Variants in SEMA6B observed in about 807,000 individuals in gnomAD.
The protein encoded by SEMA6B is semaphorin-6B.
SEMA6B carries 47 observed loss-of-function variants against 78.6 expected under a neutral mutation model. That is an observed-to-expected ratio of 0.60 (90% CI 0.47 to 0.76). The LOEUF (loss-of-function observed/expected upper bound fraction) is 0.76. Among genes scored for constraint, SEMA6B ranks in the 30% least tolerant of loss-of-function variants. SEMA6B has a pLI of 0.00. For missense variants in SEMA6B, 1,213 were observed against 1,269.9 expected (o/e 0.96, Z 0.68); for synonymous variants, 632 against 592.2 (o/e 1.07, Z -0.98).
intron 8 of SEMA6B, 79 bp from the exon 9 acceptor site, chr19:4,554,555 ATGG>A (rs1457548627): frequency 4.1e-5 from 46 of 1,116,530 alleles, no homozygotes; most frequent in Non-Finnish European, 5.8e-5. Flanking sequence ...ACTGGCTTTT[ATGG>A]TGAAGGGGGG....
intron 3 of SEMA6B, 118 bp downstream of exon 3, chr19:4,557,908 A>G: frequency 1.1e-6 from 1 of 891,750 alleles, no homozygotes; most frequent in Non-Finnish European, 1.5e-6. Flanking sequence ...AAGTCCTCCC[A>G]ATGGCCCAAC....
At position 4,550,041 on chromosome 19, in the gene SEMA6B, T is replaced by C; in HGVS notation, c.1271+82A>G. 7.2e-7 allele frequency: 1 copy of C among 1,398,594 alleles called. No individual in the cohort carries two copies. The allele number at this position is 1,398,594 out of a possible 1,614,324, so 86.6% of individuals were successfully genotyped here. On this transcript the variant is annotated intron_variant, in intron 12 of 16. Coordinates refer to ENST00000586582, the MANE Select transcript of SEMA6B (RefSeq NM_032108.4). The surrounding 1 kb of genome is among the most constrained non-coding windows in gnomAD (Gnocchi z 6.6). Reference sequence around the variant, plus strand: ...CAGCGCCGGAAGCCATGGGCTCATCTGTGTTGAGCATCTGGATCCTCTCAC... The same window carrying C: ...CAGCGCCGGAAGCCATGGGCTCATCCGTGTTGAGCATCTGGATCCTCTCAC...
chr19:4,544,046 AG>A lies in SEMA6B; in HGVS notation c.2221del (p.Leu741CysfsTer89). The A allele has an allele frequency of 8.2e-7, 1 of 1,218,612 alleles. No individual in the cohort carries two copies. The allele number at this position is 1,218,612 out of a possible 1,614,324, so 75.5% of individuals were successfully genotyped here. A position where few individuals can be genotyped will look rare whatever the true frequency, so the allele number is the denominator to read the frequency against. ...GPRAWDHGHP[L>X]LPASASSSLL... ...GGAGGATGAAGCGGAGGCCGGGAGC[AG>A]GGGGTGGCCGTGGTCCCAGGCGCGG... On this transcript the variant is annotated frameshift_variant, in exon 17 of 17. Coordinates refer to ENST00000586582, the MANE Select transcript of SEMA6B (RefSeq NM_032108.4). LOFTEE classifies it high-confidence loss of function. This position sits in a 1 kb window ranked among gnomAD's most constrained non-coding sequence, Gnocchi z 5.1.
intron 5 of SEMA6B, among the ~76,000 whole-genome samples, 192 bp downstream of exon 5, chr19:4,556,759 G>A (rs1218852643): frequency 1.3e-5 from 2 of 150,154 alleles, no homozygotes; most frequent in Non-Finnish European, 3.0e-5. Context: ...ATTGGGTGGG[G>A]ACGTGGACGT....
Position 4,543,853 on chromosome 19 carries a change from C to A in SEMA6B, c.2415G>T (p.Thr805=), listed in dbSNP as rs1335432532. 2.5e-6 allele frequency: 3 copies of A among 1,209,986 alleles called. No individual in the cohort carries two copies. The highest frequency in any genetic ancestry group is 3.1e-6 in the Non-Finnish European group (3 of 974,346). 75.0% of individuals were successfully genotyped at this position (1,209,986 alleles called of 1,614,324 possible). A position where few individuals can be genotyped will look rare whatever the true frequency, so the allele number is the denominator to read the frequency against. Residue 805 remains threonine, a synonymous_variant, in exon 17 of 17, where the codon ACG becomes ACT. Transcript: ENST00000586582. ...PDRRRVVSAP[T]GPLDPASAAD... ...CGGCTGAGGCTGGGTCCAAGGGGCC[C>A]GTGGGCGCGGACACCACCCGCCGGC...
chr19:4,557,380 G>A (rs1977502166), intron 3 of SEMA6B, among the ~76,000 whole-genome samples, 157 bp from the exon 4 acceptor site: 1 of 152,148 alleles, frequency 6.6e-6, no homozygotes, highest in African/African-American at 2.4e-5. Flanking sequence ...CCCCCCAAGG[G>A]CCCCAGCAGG....
intron 8 of SEMA6B, among the ~76,000 whole-genome samples, 176 bp from the exon 9 acceptor site, chr19:4,554,652 G>A (rs972297395): frequency 3.3e-5 from 5 of 152,148 alleles, no homozygotes; most frequent in Non-Finnish European, 4.4e-5. Context: ...GCCTAAAATC[G>A]CTGTGTCTCT....
Position 4,558,108 on chromosome 19 carries a change from G to T in SEMA6B, c.163C>A (p.Arg55Ser). Residue 55 changes from arginine (R) to serine (S), a missense_variant, in exon 3 of 17, where the codon CGC (arginine) becomes AGC (serine). Physicochemically the swap from Arg to Ser is moderately radical, Grantham distance 110 (BLOSUM62 -1). Transcript: ENST00000586582. This position sits in a 1 kb window ranked among gnomAD's most constrained non-coding sequence, Gnocchi z 5.1. The part of the protein sequence containing the change: ...YPVFVGSGPG[R>S]LTPAEGADDL... ...TCAGCACCTTCTGCGGGGGTCAGGC[G>T]TCCGGGCCCGCTGCCCACAAACACG... 6.5e-7 allele frequency: 1 copy of T among 1,529,736 alleles called. No homozygotes were observed. Among genetic ancestry groups the T allele is most frequent in the Non-Finnish European group, 8.8e-7 (1 of 1,131,364 alleles). The allele number at this position is 1,529,736 out of a possible 1,614,324, so 94.8% of individuals were successfully genotyped here. A position where few individuals can be genotyped will look rare whatever the true frequency, so the allele number is the denominator to read the frequency against.
intron 14 of SEMA6B, among the ~76,000 whole-genome samples, chr19:4,547,570 C>T (rs1272472970): frequency 2.0e-5 from 3 of 152,150 alleles, no homozygotes; most frequent in Admixed American, 1.3e-4. Flanking sequence ...ATTTTAGAGA[C>T]GGGGAAACAG....
At chr19:4,551,509 G>A (rs553395226) in intron 10 of SEMA6B, among the ~76,000 whole-genome samples, 2 of 150,764 alleles carry the variant, frequency 1.3e-5, no homozygotes, top group East Asian at 2.0e-4. Flanking sequence ...CGAAGCCACC[G>A]TGCCCAGTCC....
At position 4,544,257 on chromosome 19, in the gene SEMA6B, C is replaced by T. The variant is rs528232558; in HGVS notation, c.2011G>A (p.Gly671Ser). The change falls in exon 17 of 17, where the codon GGT becomes AGT. Residue 671 changes from glycine to serine, a missense_variant. Transcript: ENST00000586582. The surrounding 1 kb of genome is among the most constrained non-coding windows in gnomAD (Gnocchi z 5.1). The part of the protein sequence containing the change: ...GPGGRGGGGG[G>S]GAGVPPEALL... ...GCCTCCGGGGGAACCCCGGCGCCACCGCCACCGCCTCCGCCCCGGCCCCCG... is the reference window on the plus strand; with the variant it reads ...GCCTCCGGGGGAACCCCGGCGCCACTGCCACCGCCTCCGCCCCGGCCCCCG... 277 of 1,281,980 alleles carry T rather than the reference C, an allele frequency of 2.2e-4. No homozygotes were observed. In the African/African-American group the frequency reaches 3.9e-3, roughly 18 times the overall value. 79.4% of individuals were successfully genotyped at this position (1,281,980 alleles called of 1,614,324 possible).
At position 4,550,398 on chromosome 19, in the gene SEMA6B, A is replaced by T; in HGVS notation, c.1122-126T>A. ...TTTTTGTTTGTTTTGTTTTTGAGACAGAGTCTCAATCTGTCGCCCAGGCTG... is the reference window on the plus strand; with the variant it reads ...TTTTTGTTTGTTTTGTTTTTGAGACTGAGTCTCAATCTGTCGCCCAGGCTG... On this transcript the variant is annotated intron_variant, in intron 11 of 16. Coordinates refer to ENST00000586582, the MANE Select transcript of SEMA6B (RefSeq NM_032108.4). The surrounding 1 kb of genome is among the most constrained non-coding windows in gnomAD (Gnocchi z 6.6). 1.9e-6 allele frequency: 2 copies of T among 1,048,208 alleles called. No individual in the cohort carries two copies. The highest frequency in any genetic ancestry group is 2.8e-6 in the Non-Finnish European group (2 of 718,828). The allele number at this position is 1,048,208 out of a possible 1,614,324, so 64.9% of individuals were successfully genotyped here.
In SEMA6B at chr19:4,543,351, A is replaced by G. The variant is rs1185460895; in HGVS notation, c.*250T>C. On this transcript the variant is annotated 3_prime_UTR_variant, in exon 17 of 17. Transcript: ENST00000586582. ...ACCAAAACCTACGCGCATAAGGTCAACCTCAAATCCATAGCAAAGTCCTCC... is the reference window on the plus strand; with the variant it reads ...ACCAAAACCTACGCGCATAAGGTCAGCCTCAAATCCATAGCAAAGTCCTCC... 2.3e-6 allele frequency: 1 copy of G among 435,086 alleles called. No homozygotes were observed. Among genetic ancestry groups the G allele is most frequent in the East Asian group, 3.4e-5 (1 of 29,096 alleles). 27.0% of individuals were successfully genotyped at this position (435,086 alleles called of 1,614,324 possible).
In SEMA6B at chr19:4,555,392, A is replaced by G. The variant is rs1239239693; in HGVS notation, c.562+82T>C. Reference sequence around the variant, plus strand: ...CAAGTGGTCGTCCAGCTGCCTTCTAAACAACCCAGACGCTGGAGTAGAAAA... The same window carrying G: ...CAAGTGGTCGTCCAGCTGCCTTCTAGACAACCCAGACGCTGGAGTAGAAAA... On this transcript the variant is annotated intron_variant, in intron 7 of 16. Transcript: ENST00000586582. This position sits in a 1 kb window ranked among gnomAD's most constrained non-coding sequence, Gnocchi z 6.1. The G allele has an allele frequency of 2.3e-6, 3 of 1,290,994 alleles. No individual in the cohort carries two copies. In the African/African-American group the frequency reaches 4.5e-5, roughly 19 times the overall value. 80.0% of individuals were successfully genotyped at this position (1,290,994 alleles called of 1,614,324 possible). A position where few individuals can be genotyped will look rare whatever the true frequency, so the allele number is the denominator to read the frequency against.
chr19:4,556,813 G>A, intron 5 of SEMA6B, 138 bp downstream of exon 5: 1 of 761,976 alleles, frequency 1.3e-6, no homozygotes, highest in South Asian at 1.7e-5. Flanking sequence ...GCAGTTGGGC[G>A]GGGCCAGGGC....
chr19:4,554,498 A>G, intron 8 of SEMA6B, 22 bp from the exon 9 acceptor site: 1 of 1,592,268 alleles, frequency 6.3e-7, no homozygotes, highest in Non-Finnish European at 8.6e-7. Flanking sequence ...GAGGGGTCAG[A>G]ACTCAGCCCC....
Position 4,546,253 on chromosome 19 carries a change from C to G in SEMA6B, c.1701G>C (p.Val567=), listed in dbSNP as rs754019805. The part of the protein sequence containing the change: ...PGTRAAFEQD[V]SGASTSGLGD... ...CTAAGCCTGAGGTGCTGGCCCCGGA[C>G]ACGTCCTGCTCAAAGGCGGCTCTAA... The change falls in exon 16 of 17, where the codon GTG becomes GTC. Residue 567 remains valine (V), a synonymous_variant. Coordinates refer to ENST00000586582, the MANE Select transcript of SEMA6B (RefSeq NM_032108.4). The G allele has an allele frequency of 3.1e-6, 5 of 1,613,398 alleles. No individual in the cohort carries two copies. Among genetic ancestry groups the G allele is most frequent in the Non-Finnish European group, 4.2e-6 (5 of 1,179,934 alleles).
At chr19:4,551,843 CCAAACAAA>C (rs199958322) in intron 10 of SEMA6B, among the ~76,000 whole-genome samples, 5 of 150,776 alleles carry the variant, frequency 3.3e-5, no homozygotes, top group East Asian at 4.0e-4. Context: ...AAAAACCAAA[CCAAACAAA>C]CAAACAAACA....
intron 14 of SEMA6B, 118 bp from the exon 15 acceptor site, chr19:4,546,587 A>AATTC: frequency 4.2e-6 from 2 of 481,302 alleles, no homozygotes; most frequent in Non-Finnish European, 7.0e-6. Flanking sequence ...TATTTTAATT[A>AATTC]ATTAATTTTT....
Sources: gnomAD v4.1 joint callset for allele counts (sites outside exome capture counted in the v4.1 genomes callset) on GRCh38, gnomAD v4.1.1 for gene constraint, Gnocchi (gnomAD v3.1) non-coding constraint, MANE v1.5 for transcripts, NCBI Gene and HGNC (gene_info 2026-07-23, HGNC 2026-07-21) for gene names.